Variants in NIM1K observed in about 807,000 individuals in gnomAD.
The protein encoded by NIM1K is NIM1 serine/threonine protein kinase.
In NIM1K, 35 loss-of-function variants were observed where a neutral mutation model predicts 37.1. The observed-to-expected ratio is 0.94, with a 90% CI of 0.72 to 1.25. The LOEUF (loss-of-function observed/expected upper bound fraction) is 1.25, where lower values mean the gene tolerates loss of function less well. Ranked by LOEUF, NIM1K falls within the 50% of genes most tolerant of loss-of-function variation. The pLI, the probability that NIM1K is intolerant of heterozygous loss-of-function variation, is 0.00. For missense variants in NIM1K, 564 were observed against 548.0 expected, an observed-to-expected ratio of 1.03 and a Z score of -0.29; for synonymous variants, 234 against 206.6, an observed-to-expected ratio of 1.13 and a Z score of -1.14.
chr5:43,269,249 G>A (rs1430307913), intron 2 of NIM1K, among the ~76,000 whole-genome samples: 3 of 141,940 alleles, frequency 2.1e-5, no homozygotes, highest in South Asian at 2.2e-4. Flanking sequence ...GGCAGAGGTT[G>A]CAGTGAGCCA....
intron 1 of NIM1K, among the ~76,000 whole-genome samples, chr5:43,219,283 G>A (rs936334636): frequency 2.0e-5 from 3 of 152,088 alleles, no homozygotes; most frequent in Admixed American, 2.0e-4. Context: ...CCTGAGCTGG[G>A]TGTGGTAGTG....
At chr5:43,252,589 TAA>T (rs1752881271) in intron 2 of NIM1K, among the ~76,000 whole-genome samples, 1 of 134,934 alleles carries the variant, frequency 7.4e-6, no homozygotes, top group African/African-American at 2.9e-5. Flanking sequence ...AAAAAAAAAA[TAA>T]AGAAATACAA....
intron 1 of NIM1K, among the ~76,000 whole-genome samples, chr5:43,223,570 T>C (rs190546271): frequency 1.5e-4 from 23 of 152,340 alleles, no homozygotes; most frequent in African/African-American, 5.3e-4. Context: ...TACGTACATA[T>C]CTATCATACA....
intron 1 of NIM1K, among the ~76,000 whole-genome samples, chr5:43,214,114 TCA>T (rs1752262982): frequency 6.6e-6 from 1 of 151,880 alleles, no homozygotes; most frequent in African/African-American, 2.4e-5. Flanking sequence ...CAAAAATATC[TCA>T]GTTTTGGAAT....
chr5:43,202,448 C>A (rs1026006571), intron 1 of NIM1K, among the ~76,000 whole-genome samples: 1 of 152,120 alleles, frequency 6.6e-6, no homozygotes, highest in African/African-American at 2.4e-5. Context: ...TAGTCTCATC[C>A]CTGCCACTGT....
intron 1 of NIM1K, among the ~76,000 whole-genome samples, chr5:43,235,837 C>T (rs1368290295): frequency 2.0e-5 from 3 of 151,660 alleles, no homozygotes; most frequent in South Asian, 2.1e-4. Context: ...GAACTATTCC[C>T]TCCCCATCTT....
At chr5:43,270,877 A>C (rs114972490) in intron 2 of NIM1K, among the ~76,000 whole-genome samples, 1 of 152,216 alleles carries the variant, frequency 6.6e-6, no homozygotes, top group African/African-American at 2.4e-5. Flanking sequence ...CAGTTGCTCA[A>C]CTGAGAAACC....
intron 1 of NIM1K, among the ~76,000 whole-genome samples, chr5:43,215,134 C>T (rs1752281508): frequency 6.6e-6 from 1 of 152,212 alleles, no homozygotes. Flanking sequence ...TCACTTACCT[C>T]CTTGGGGAAA....
At chr5:43,244,812 A>G (rs760211222) in intron 1 of NIM1K, among the ~76,000 whole-genome samples, 6 of 152,238 alleles carry the variant, frequency 3.9e-5, no homozygotes, top group Non-Finnish European at 7.4e-5. Context: ...GGCAATGTGC[A>G]TATTTTCTTA....
intron 1 of NIM1K, among the ~76,000 whole-genome samples, chr5:43,239,535 C>CT (rs35229235): frequency 0.024 from 3,574 of 148,528 alleles, 154 homozygotes; most frequent in East Asian, 0.16. Flanking sequence ...ACCGCGCCTG[C>CT]TTTTTTTTGA....
rs926410945 is a variant in NIM1K, at chr5:43,239,760, C to A, written c.-694-5322C>A. Among the ~76,000 whole-genome samples, 7 of 152,206 alleles carry A rather than the reference C, an allele frequency of 4.6e-5. No homozygotes were observed. In the East Asian group the frequency reaches 1.3e-3, roughly 29 times the overall value. ...CAGGCTGGTCTCAAACTCCTGACCT[C>A]AGGTGATGCAGCATGCCTGGCCTCC... On this transcript the variant is annotated intron_variant, in intron 1 of 3. Transcript: ENST00000326035.
intron 2 of NIM1K, among the ~76,000 whole-genome samples, chr5:43,268,324 G>A (rs531792124): frequency 6.6e-6 from 1 of 152,228 alleles, no homozygotes. Flanking sequence ...CTAGGATGGA[G>A]ATATTACTCA....
In NIM1K at chr5:43,240,847, C is replaced by T. The variant is rs150476230; in HGVS notation, c.-694-4235C>T. On this transcript the variant is annotated intron_variant, in intron 1 of 3. Transcript: ENST00000326035. ...CCACCACAATCGGCCCTTTCTTACA[C>T]TCCTGATTATCACTTTATAAACACT... 3.3e-5 allele frequency among the ~76,000 whole-genome samples: 5 copies of T among 152,070 alleles called. No individual in the cohort carries two copies. The East Asian group carries it at 7.7e-4, about 23-fold the overall frequency.
intron 2 of NIM1K, among the ~76,000 whole-genome samples, chr5:43,251,700 A>G (rs1347140943): frequency 2.0e-5 from 3 of 152,132 alleles, no homozygotes; most frequent in African/African-American, 4.8e-5. Flanking sequence ...TTCCATCTTT[A>G]TACCTCTTTC....
chr5:43,246,846 A>T (rs1333348496), intron 2 of NIM1K, among the ~76,000 whole-genome samples: 6 of 152,132 alleles, frequency 3.9e-5, no homozygotes, highest in Non-Finnish European at 8.8e-5. Flanking sequence ...AGGTACCTGT[A>T]ACTTAGCAGA....
At position 43,198,378 on chromosome 5, in the gene NIM1K, TCCTC is replaced by T. The variant is rs201564884; in HGVS notation, c.-695+5980_-695+5983del. On this transcript the variant is annotated intron_variant, in intron 1 of 3. Coordinates refer to ENST00000326035, the MANE Select transcript of NIM1K (RefSeq NM_153361.4). Reference sequence around the variant, plus strand: ...TGTCTTGCTCTCTCTCTCTCCCCCTTCCTCCCTCCCTCCCTCTCGAGCTCGCTCT... The same window carrying T: ...TGTCTTGCTCTCTCTCTCTCCCCCTTCCTCCCTCCCTCTCGAGCTCGCTCT... Among the ~76,000 whole-genome samples, 275 of 149,506 alleles carry T rather than the reference TCCTC, an allele frequency of 1.8e-3. 2 individuals carry two copies. The highest frequency in any genetic ancestry group is 6.5e-3 in the African/African-American group (264 of 40,694).
At chr5:43,192,809 G>C (rs1182547266) in intron 1 of NIM1K, 1 of 152,340 alleles carries the variant, frequency 6.6e-6, no homozygotes, top group African/African-American at 2.4e-5. Flanking sequence ...GCCGAGGAGC[G>C]CAGCTTAGCG....
chr5:43,251,198 T>C (rs1228478204), intron 2 of NIM1K, among the ~76,000 whole-genome samples: 1 of 152,188 alleles, frequency 6.6e-6, no homozygotes, highest in East Asian at 1.9e-4. Context: ...TAGAAGGTGA[T>C]GGTAAAAATA....
chr5:43,255,983 A>C (rs931980625), intron 2 of NIM1K, among the ~76,000 whole-genome samples: 1 of 151,736 alleles, frequency 6.6e-6, no homozygotes, highest in Non-Finnish European at 1.5e-5. Flanking sequence ...GCTGAGGGGA[A>C]AGGGCAGAGA....
Sources: gnomAD v4.1 joint callset for allele counts (sites outside exome capture counted in the v4.1 genomes callset) on GRCh38, gnomAD v4.1.1 for gene constraint, MANE v1.5 for transcripts, NCBI Gene and HGNC (gene_info 2026-07-23, HGNC 2026-07-21) for gene names.